The following MOSMO variants were observed in gnomAD, a reference collection of about 807,000 sequenced individuals.
MOSMO encodes the protein modulator of smoothened protein.
Under a neutral mutation model 18.4 loss-of-function variants are expected in MOSMO, and 5 were observed. That is an observed-to-expected ratio of 0.27 (90% confidence interval 0.14 to 0.57). The LOEUF (loss-of-function observed/expected upper bound fraction) is 0.57. Ranked by LOEUF, MOSMO falls within the 20% of genes least tolerant of loss-of-function variation. The pLI is 0.92. For missense variants in MOSMO, 138 were observed against 211.8 expected, an observed-to-expected ratio of 0.65 and a Z score of 2.16; for synonymous variants, 82 against 82.3, an observed-to-expected ratio of 1.00 and a Z score of 0.02.
chr16:22,075,644 T>C lies in MOSMO; in HGVS notation c.264T>C (p.Ala88=). The change falls in exon 2 of 3, where the codon GCT becomes GCC. Residue 88 remains alanine (A), a synonymous_variant. Transcript: ENST00000542527. ...SLTVTCGLLV[A]SHWRREATKY... Reference sequence around the variant, plus strand: ...CTGTCACATGTGGTTTGCTGGTGGCTTCCCACTGGCGAAGAGAAGCTACAA... The same window carrying C: ...CTGTCACATGTGGTTTGCTGGTGGCCTCCCACTGGCGAAGAGAAGCTACAA... 7 of 1,537,406 alleles carry C rather than the reference T, an allele frequency of 4.6e-6. No individual in the cohort carries two copies. Among genetic ancestry groups the C allele is most frequent in the Non-Finnish European group, 4.4e-6 (5 of 1,146,946 alleles).
At chr16:22,066,276 G>T (rs1350810775) in intron 1 of MOSMO, among the ~76,000 whole-genome samples, 1 of 151,972 alleles carries the variant, frequency 6.6e-6, no homozygotes, top group East Asian at 1.9e-4. Flanking sequence ...CTAGGCATTT[G>T]TTAAAAACAG....
At chr16:22,067,495 CTAT>C (rs1431180573) in intron 1 of MOSMO, among the ~76,000 whole-genome samples, 1 of 152,146 alleles carries the variant, frequency 6.6e-6, no homozygotes, top group Admixed American at 6.5e-5. Flanking sequence ...ATCTTCAATA[CTAT>C]TAACAGCTGA....
At chr16:22,036,278 C>T (rs1490232405) in intron 1 of MOSMO, among the ~76,000 whole-genome samples, 1 of 152,012 alleles carries the variant, frequency 6.6e-6, no homozygotes, top group African/African-American at 2.4e-5. Context: ...AGGTGCACAC[C>T]ACCATGCCTG....
At chr16:22,048,155 A>G (rs1378072629) in intron 1 of MOSMO, among the ~76,000 whole-genome samples, 2 of 152,222 alleles carry the variant, frequency 1.3e-5, no homozygotes, top group East Asian at 1.9e-4. Flanking sequence ...CACAGATTAT[A>G]GAGCCAAATT....
chr16:22,091,274 G>A (rs572605373), downstream of MOSMO, among the ~76,000 whole-genome samples: 6 of 152,314 alleles, frequency 3.9e-5, no homozygotes, highest in Non-Finnish European at 8.8e-5. Flanking sequence ...TGGTTGATAA[G>A]GAGTTTCTAT....
intron 1 of MOSMO, among the ~76,000 whole-genome samples, chr16:22,012,003 A>G (rs1899541749): frequency 6.6e-6 from 1 of 151,992 alleles, no homozygotes; most frequent in Non-Finnish European, 1.5e-5. Flanking sequence ...AAGTTCAAGT[A>G]AGATCTCAGT....
At chr16:22,061,095 G>T (rs1233347047) in intron 1 of MOSMO, among the ~76,000 whole-genome samples, 1 of 152,084 alleles carries the variant, frequency 6.6e-6, no homozygotes, top group Non-Finnish European at 1.5e-5. Context: ...TTCTACAAGA[G>T]GCAAAACTAC....
At chr16:22,064,541 C>G in intron 1 of MOSMO, 1 of 419,998 alleles carries the variant, frequency 2.4e-6, no homozygotes, top group Non-Finnish European at 4.9e-6. Flanking sequence ...CCATTTTAAC[C>G]TTCTACCTGA....
chr16:22,015,239 A>G (rs1015289857), intron 1 of MOSMO, among the ~76,000 whole-genome samples: 1 of 152,030 alleles, frequency 6.6e-6, no homozygotes, highest in Non-Finnish European at 1.5e-5. Flanking sequence ...CTCAAAGTTC[A>G]TACATGTTAT....
At chr16:22,037,747 G>A (rs943984530) in intron 1 of MOSMO, among the ~76,000 whole-genome samples, 1 of 152,150 alleles carries the variant, frequency 6.6e-6, no homozygotes, top group African/African-American at 2.4e-5. Context: ...ATACTACAAA[G>A]AATACAGATG....
At chr16:22,069,160 G>C (rs985375077) in intron 1 of MOSMO, among the ~76,000 whole-genome samples, 1 of 152,132 alleles carries the variant, frequency 6.6e-6, no homozygotes, top group Non-Finnish European at 1.5e-5. Flanking sequence ...AAGGAAGATA[G>C]CCCAGGAGCA....
chr16:22,040,727 A>G (rs1900194514), intron 1 of MOSMO, among the ~76,000 whole-genome samples: 1 of 152,232 alleles, frequency 6.6e-6, no homozygotes, highest in South Asian at 2.1e-4. Flanking sequence ...CTAAAATTCT[A>G]GAAAGAATAA....
intron 1 of MOSMO, among the ~76,000 whole-genome samples, chr16:22,042,023 A>G (rs1032510649): frequency 5.3e-5 from 8 of 152,186 alleles, no homozygotes; most frequent in Non-Finnish European, 1.2e-4. Context: ...AGATGGTATA[A>G]GAGAAATTTT....
chr16:22,089,632 C>T (rs1304424963), downstream of MOSMO, among the ~76,000 whole-genome samples: 1 of 150,400 alleles, frequency 6.6e-6, no homozygotes, highest in African/African-American at 2.5e-5. Flanking sequence ...CACCCCCCGC[C>T]ACCACCCACT....
chr16:22,013,881 G>C lies in MOSMO; in HGVS notation c.106+5474G>C, dbSNP rs550582643. 4.2e-5 allele frequency among the ~76,000 whole-genome samples: 6 copies of C among 143,964 alleles called. No individual in the cohort carries two copies. In the East Asian group the frequency reaches 8.3e-4, roughly 20 times the overall value. The allele number at this position is 143,964 out of a possible 152,430, so 94.4% of individuals were successfully genotyped here. A position where few individuals can be genotyped will look rare whatever the true frequency, so the allele number is the denominator to read the frequency against. On this transcript the variant is annotated intron_variant, in intron 1 of 2. Coordinates refer to ENST00000542527, the MANE Select transcript of MOSMO (RefSeq NM_001164579.2). ...TTGTCTAGATGGGATGTTACTGTTT[G>C]GGGGGGGGGAATCTCAAAAACTGAC...
intron 2 of MOSMO, 58 bp from the exon 3 acceptor site, chr16:22,080,638 T>C: frequency 8.5e-7 from 1 of 1,183,358 alleles, no homozygotes; most frequent in Non-Finnish European, 1.1e-6. Context: ...CAAATTTTCA[T>C]TGTTTTTTGA....
At position 22,083,697 on chromosome 16, in the gene MOSMO, C is replaced by A; in HGVS notation, c.*2817C>A. The A allele has an allele frequency of 2.2e-6, 1 of 453,038 alleles. No individual in the cohort carries two copies. 28.1% of individuals were successfully genotyped at this position (453,038 alleles called of 1,614,324 possible). On this transcript the variant is annotated 3_prime_UTR_variant, in exon 3 of 3. Coordinates refer to ENST00000542527, the MANE Select transcript of MOSMO (RefSeq NM_001164579.2). Reference sequence around the variant, plus strand: ...TTAGAGTGTGTGCATTCTTCTCATACCTAAGAATATCACTGTAAAATCTGC... The same window carrying A: ...TTAGAGTGTGTGCATTCTTCTCATAACTAAGAATATCACTGTAAAATCTGC...
At chr16:22,063,036 T>C (rs964271923) in intron 1 of MOSMO, among the ~76,000 whole-genome samples, 7 of 152,186 alleles carry the variant, frequency 4.6e-5, no homozygotes, top group Admixed American at 6.5e-5. Context: ...TTATTTATAG[T>C]AGAGGTGGGG....
chr16:22,067,801 A>G (rs960125296), intron 1 of MOSMO, among the ~76,000 whole-genome samples: 8 of 151,886 alleles, frequency 5.3e-5, no homozygotes, highest in African/African-American at 1.9e-4. Flanking sequence ...ATCGCTTGAA[A>G]CCTGGTAGGC....
Sources: allele counts gnomAD v4.1 joint callset (sites outside exome capture counted in the v4.1 genomes callset), GRCh38; gene constraint gnomAD v4.1.1; transcripts MANE v1.5; gene names NCBI Gene and HGNC (gene_info 2026-07-23, HGNC 2026-07-21).